Variants in TICAM1 observed in about 807,000 individuals in gnomAD.
TICAM1 encodes the protein TIR domain containing adaptor molecule 1, also known as TIR domain-containing adapter molecule 1.
For synonymous variants in TICAM1, 439 were observed against 415.4 expected (o/e 1.06, Z -0.69); for missense variants, 895 against 938.2 (o/e 0.95, Z 0.60).
intron 1 of TICAM1, 150 bp downstream of exon 1, chr19:4,831,464 C>CA (rs2093613533): frequency 6.6e-6 from 1 of 152,068 alleles, no homozygotes. Context: ...CCTCCCAACG[C>CA]GCGGCGCCAG....
intron 1 of TICAM1, among the ~76,000 whole-genome samples, chr19:4,824,253 C>T (rs1001388611): frequency 6.6e-6 from 1 of 152,026 alleles, no homozygotes; most frequent in Non-Finnish European, 1.5e-5. Context: ...AAGCTATCTG[C>T]CTGCCTCAGC....
Position 4,816,883 on chromosome 19 carries a change from G to C in TICAM1, c.1495C>G (p.Leu499Val). 6.2e-7 allele frequency: 1 copy of C among 1,612,904 alleles called. No individual in the cohort carries two copies. The highest frequency in any genetic ancestry group is 8.5e-7 in the Non-Finnish European group (1 of 1,180,030). The change falls in exon 2 of 2, where the codon CTC becomes GTC. Residue 499 changes from leucine (L) to valine (V), a missense_variant. Coordinates refer to ENST00000248244, the MANE Select transcript of TICAM1 (RefSeq NM_182919.4). This position sits in a 1 kb window ranked among gnomAD's most constrained non-coding sequence, Gnocchi z 4.3. ...FLPLESSPAQ[L>V]SSDTASLLSG... Reference sequence around the variant, plus strand: ...AGCAGGCTGGCCGTGTCGGAGCTGAGCTGGGCCGGGGAGCTCTCCAGGGGC... The same window carrying C: ...AGCAGGCTGGCCGTGTCGGAGCTGACCTGGGCCGGGGAGCTCTCCAGGGGC...
At position 4,817,294 on chromosome 19, in the gene TICAM1, G is replaced by A. The variant is rs756503936; in HGVS notation, c.1084C>T (p.Pro362Ser). 6.2e-7 allele frequency: 1 copy of A among 1,613,802 alleles called. No homozygotes were observed. The highest frequency in any genetic ancestry group is 1.7e-5 in the Admixed American group (1 of 59,986). The change falls in exon 2 of 2, where the codon CCT becomes TCT. Residue 362 changes from proline to serine, a missense_variant. By Grantham distance (74) the Pro-to-Ser change is moderately conservative. Coordinates refer to ENST00000248244, the MANE Select transcript of TICAM1 (RefSeq NM_182919.4). The surrounding 1 kb of genome is among the most constrained non-coding windows in gnomAD (Gnocchi z 4.7). ...GTAGATGAAGGAGGAGGAGGAGGAGGAGGAGGGGATGTTTCTGGGGTGGTG... is the reference window on the plus strand; with the variant it reads ...GTAGATGAAGGAGGAGGAGGAGGAGAAGGAGGGGATGTTTCTGGGGTGGTG... ...TPTTPETSPP[P>S]PPPPPSSTPC...
intron 1 of TICAM1, among the ~76,000 whole-genome samples, chr19:4,827,445 C>A (rs1203671096): frequency 1.4e-5 from 2 of 138,148 alleles, no homozygotes; most frequent in African/African-American, 5.3e-5. Flanking sequence ...GTTGTAAGCT[C>A]TACATAAAAT....
At chr19:4,821,030 T>TA (rs373375585) in intron 1 of TICAM1, among the ~76,000 whole-genome samples, 91,874 of 140,346 alleles carry the variant, frequency 0.65, 30,170 homozygotes, top group African/African-American at 0.79. Flanking sequence ...CCGTCTCTAG[T>TA]AAAAAAAAAA....
In TICAM1 at chr19:4,816,974, C is replaced by G; in HGVS notation, c.1404G>C (p.Gln468His). The change falls in exon 2 of 2, where the codon CAG becomes CAC. Residue 468 changes from glutamine to histidine, a missense_variant. Physicochemically the swap from Gln to His is conservative, Grantham distance 24 (BLOSUM62 0). Coordinates refer to ENST00000248244, the MANE Select transcript of TICAM1 (RefSeq NM_182919.4). The surrounding 1 kb of genome is among the most constrained non-coding windows in gnomAD (Gnocchi z 4.3). ...GGTTGCTCATCATGGCTTGGTTCACCTGGTGCAGGCTCAGGCGACAGTCGA... is the reference window on the plus strand; with the variant it reads ...GGTTGCTCATCATGGCTTGGTTCACGTGGTGCAGGCTCAGGCGACAGTCGA... ...SNFDCRLSLHQVNQAMMSNLT... is the reference protein window; with the variant it reads ...SNFDCRLSLHHVNQAMMSNLT... 6.2e-7 allele frequency: 1 copy of G among 1,614,116 alleles called. No individual in the cohort carries two copies. The highest frequency in any genetic ancestry group is 8.5e-7 in the Non-Finnish European group (1 of 1,180,034).
In TICAM1 at chr19:4,817,979, C is replaced by A; in HGVS notation, c.399G>T (p.Leu133=). The change falls in exon 2 of 2, where the codon CTG becomes CTT. Residue 133 remains leucine, a synonymous_variant. Coordinates refer to ENST00000248244, the MANE Select transcript of TICAM1 (RefSeq NM_182919.4). The surrounding 1 kb of genome is among the most constrained non-coding windows in gnomAD (Gnocchi z 4.7). ...TTCGGGCCTCATCCTGAAGTTCCCC[C>A]AGCCGGTGGTCGTCCCTGGAGCTGA... ...RTLSSRDDHR[L]GELQDEARNR... is the part of the protein sequence containing the mutation. 1.9e-6 allele frequency: 3 copies of A among 1,613,198 alleles called. No homozygotes were observed. The highest frequency in any genetic ancestry group is 2.5e-6 in the Non-Finnish European group (3 of 1,179,854).
rs1431054802 is a variant in TICAM1, at chr19:4,816,392, G to A, written c.1986C>T (p.Ala662=). 6.3e-7 allele frequency: 1 copy of A among 1,579,812 alleles called. No individual in the cohort carries two copies. The change falls in exon 2 of 2, where the codon GCC becomes GCT. Residue 662 remains alanine (A), a synonymous_variant. Transcript: ENST00000248244. The surrounding 1 kb of genome is among the most constrained non-coding windows in gnomAD (Gnocchi z 4.3). ...GGGGTGCGGGTGAGGCCGTAGGGAA[G>A]GCTGGGGACTGCGGGAAGGGCAGTG... The part of the protein sequence containing the change: ...PQSLPFPQSP[A]FPTASPAPPQ...
intron 1 of TICAM1, among the ~76,000 whole-genome samples, chr19:4,824,365 C>T (rs562157350): frequency 8.5e-4 from 113 of 132,268 alleles, no homozygotes; most frequent in African/African-American, 3.1e-3. Context: ...GACAGAGTCT[C>T]GCTCTGTCAT....
chr19:4,829,160 T>G (rs1568368006), intron 1 of TICAM1, among the ~76,000 whole-genome samples: 1 of 152,146 alleles, frequency 6.6e-6, no homozygotes, highest in Non-Finnish European at 1.5e-5. Flanking sequence ...AAGCAGTGCC[T>G]GGCACACGCA....
At position 4,817,406 on chromosome 19, in the gene TICAM1, G is replaced by A. The variant is rs747280830; in HGVS notation, c.972C>T (p.Asn324=). 1.5e-5 allele frequency: 25 copies of A among 1,614,058 alleles called. No homozygotes were observed. The South Asian group carries it at 2.2e-4, about 14-fold the overall frequency. Residue 324 remains asparagine, a synonymous_variant, in exon 2 of 2, where the codon AAC becomes AAT. Transcript: ENST00000248244. The surrounding 1 kb of genome is among the most constrained non-coding windows in gnomAD (Gnocchi z 4.7). ...GCGTCTGGTCTTTGACAGAGCAGGGGTTTTTGACCGGCTCCAGAATAGGCA... is the reference window on the plus strand; with the variant it reads ...GCGTCTGGTCTTTGACAGAGCAGGGATTTTTGACCGGCTCCAGAATAGGCA... ...LPLPILEPVK[N]PCSVKDQTPL... is the part of the protein sequence containing the mutation.
intron 1 of TICAM1, among the ~76,000 whole-genome samples, chr19:4,827,288 T>C (rs971535302): frequency 3.8e-5 from 5 of 130,040 alleles, no homozygotes; most frequent in Non-Finnish European, 7.8e-5. Flanking sequence ...GAGGTGGAGG[T>C]TGAACCCGGG....
At chr19:4,827,927 C>T (rs974292345) in intron 1 of TICAM1, among the ~76,000 whole-genome samples, 1 of 151,980 alleles carries the variant, frequency 6.6e-6, no homozygotes, top group Non-Finnish European at 1.5e-5. Flanking sequence ...TTCCTGGGAA[C>T]GGTTGTGTGT....
In TICAM1 at chr19:4,825,500, C is replaced by A. The variant is rs188154912; in HGVS notation, c.-140+6114G>T. ...CCTCCCAAAGTGTTGGGATTACAGG[C>A]GTGAGCCACCGCGGCCGGCATTTTA... is the stretch of plus-strand genomic sequence containing the variant. On this transcript the variant is annotated intron_variant, in intron 1 of 1. Transcript: ENST00000248244. Among the ~76,000 whole-genome samples, 290 of 149,784 alleles carry A rather than the reference C, an allele frequency of 1.9e-3. 2 individuals carry two copies. The South Asian group carries it at 0.02, about 10-fold the overall frequency.
At chr19:4,828,057 G>A (rs573146679) in intron 1 of TICAM1, among the ~76,000 whole-genome samples, 1 of 152,146 alleles carries the variant, frequency 6.6e-6, no homozygotes, top group Non-Finnish European at 1.5e-5. Context: ...TAGCAGTGGG[G>A]CTGGGCGTCA....
At chr19:4,830,156 C>T (rs562272092) in intron 1 of TICAM1, among the ~76,000 whole-genome samples, 35 of 150,918 alleles carry the variant, frequency 2.3e-4, no homozygotes, top group African/African-American at 7.4e-4. Context: ...AGTGGGATCA[C>T]GGCTCACTGC....
At chr19:4,823,358 G>A (rs1244218718) in intron 1 of TICAM1, among the ~76,000 whole-genome samples, 3 of 151,112 alleles carry the variant, frequency 2.0e-5, no homozygotes, top group African/African-American at 4.9e-5. Flanking sequence ...CCAGCTACTC[G>A]GGAGGCTGAG....
Position 4,817,259 on chromosome 19 carries a change from T to C in TICAM1, c.1119A>G (p.Ser373=). 1.9e-6 allele frequency: 3 copies of C among 1,604,710 alleles called. No individual in the cohort carries two copies. Among genetic ancestry groups the C allele is most frequent in the Non-Finnish European group, 2.5e-6 (3 of 1,177,786 alleles). ...ACAGGGAGGAGGGGGTCAGGTGAGC[T>C]GAACAAGGAGTAGATGAAGGAGGAG... ...PPPPPSSTPC[S]AHLTPSSLFP... Residue 373 remains serine, a synonymous_variant, in exon 2 of 2, where the codon TCA becomes TCG. Coordinates refer to ENST00000248244, the MANE Select transcript of TICAM1 (RefSeq NM_182919.4). The surrounding 1 kb of genome is among the most constrained non-coding windows in gnomAD (Gnocchi z 4.7).
At chr19:4,819,635 G>T (rs772777251) in intron 1 of TICAM1, among the ~76,000 whole-genome samples, 38 of 152,176 alleles carry the variant, frequency 2.5e-4, no homozygotes, top group Non-Finnish European at 5.0e-4. Flanking sequence ...CACTTTGGGA[G>T]TCCAAGGAGG....
Sources: allele counts gnomAD v4.1 joint callset (sites outside exome capture counted in the v4.1 genomes callset), GRCh38; gene constraint gnomAD v4.1.1; non-coding constraint Gnocchi (gnomAD v3.1); transcripts MANE v1.5; gene names NCBI Gene and HGNC (gene_info 2026-07-23, HGNC 2026-07-21).